PDE12: variants seen among roughly 807,000 people sequenced by gnomAD.
The protein encoded by PDE12 is 2',5'-phosphodiesterase 12.
PDE12 carries 26 observed loss-of-function variants against 45.4 expected under a neutral mutation model. That is an observed-to-expected ratio of 0.57 (90% CI 0.42 to 0.79). PDE12 has a LOEUF of 0.79. PDE12 is among the 30% of genes least tolerant of loss of function. The pLI, the probability that PDE12 is intolerant of heterozygous loss-of-function variation, is 0.00. For missense variants in PDE12, 668 were observed against 790.0 expected, an observed-to-expected ratio of 0.85 and a Z score of 1.85; for synonymous variants, 283 against 323.9, an observed-to-expected ratio of 0.87 and a Z score of 1.36.
the PDE12 span, among the ~76,000 whole-genome samples, chr3:57,588,340 G>A: frequency 7.2e-5 from 11 of 152,152 alleles, no homozygotes; most frequent in Admixed American, 1.3e-4. Flanking sequence ...TGAGGCAGGC[G>A]GATCGCTTGA....
the PDE12 span, among the ~76,000 whole-genome samples, chr3:57,617,935 A>C: frequency 5.3e-5 from 8 of 152,140 alleles, no homozygotes; most frequent in African/African-American, 1.7e-4. Context: ...ATATACACCA[A>C]GGAATACTAT....
chr3:57,618,607 G>GTTGTT, the PDE12 span, among the ~76,000 whole-genome samples: 4 of 79,406 alleles, frequency 5.0e-5, no homozygotes, highest in African/African-American at 1.3e-4. Flanking sequence ...TTGCTTTTGT[G>GTTGTT]TTTTTTTTTT....
At chr3:57,605,078 A>C in the PDE12 span, among the ~76,000 whole-genome samples, 38 of 152,216 alleles carry the variant, frequency 2.5e-4, no homozygotes, top group African/African-American at 8.7e-4. Flanking sequence ...GATACCAGGC[A>C]TCAAAGGACA....
At chr3:57,597,494 C>T in the PDE12 span, 1 of 195,026 alleles carries the variant, frequency 5.1e-6, no homozygotes, top group Non-Finnish European at 1.1e-5. Context: ...TGCGCCCGAG[C>T]CACTGCGCTT....
chr3:57,560,589 G>T lies in PDE12; in HGVS notation c.*585G>T. 3.3e-6 allele frequency: 3 copies of T among 911,970 alleles called. No individual in the cohort carries two copies. The African/African-American group carries it at 5.4e-5, about 16-fold the overall frequency. 56.5% of individuals were successfully genotyped at this position (911,970 alleles called of 1,614,324 possible). A position where few individuals can be genotyped will look rare whatever the true frequency, so the allele number is the denominator to read the frequency against. ...GATCCACCCACCTCGGCCTCCCAAA[G>T]TGTTGGGATTACAGGCGTGAGCCAC... On this transcript the variant is annotated 3_prime_UTR_variant, in exon 3 of 3. Coordinates refer to ENST00000311180, the MANE Select transcript of PDE12 (RefSeq NM_177966.7).
chr3:57,603,955 C>T, the PDE12 span, among the ~76,000 whole-genome samples: 560 of 145,448 alleles, frequency 3.9e-3, 2 homozygotes, highest in African/African-American at 0.013. Context: ...GATGGAGTCT[C>T]ACTCTGTTGC....
At chr3:57,572,981 T>C in the PDE12 span, among the ~76,000 whole-genome samples, 87 of 152,104 alleles carry the variant, frequency 5.7e-4, no homozygotes, top group African/African-American at 1.9e-3. Context: ...GGCGGATGGA[T>C]CATGAGGTCA....
At chr3:57,633,852 T>C in the PDE12 span, among the ~76,000 whole-genome samples, 1 of 151,714 alleles carries the variant, frequency 6.6e-6, no homozygotes, top group African/African-American at 2.4e-5. Flanking sequence ...GATTGTGCTA[T>C]TGCACTCCAG....
the PDE12 span, among the ~76,000 whole-genome samples, chr3:57,644,164 A>C: frequency 0.034 from 5,135 of 151,936 alleles, 121 homozygotes; most frequent in Non-Finnish European, 0.046. Context: ...AAAAAAAAAA[A>C]AAACTATCAG....
chr3:57,646,387 C>G, the PDE12 span: 1 of 1,614,118 alleles, frequency 6.2e-7, no homozygotes, highest in Non-Finnish European at 8.5e-7. Flanking sequence ...GCTCCCCCAA[C>G]AGCACCAGCT....
chr3:57,649,530 TAAA>T, the PDE12 span, among the ~76,000 whole-genome samples: 1 of 139,140 alleles, frequency 7.2e-6, no homozygotes. Flanking sequence ...AAGGAAGTCA[TAAA>T]AAAAAAAAAA....
the PDE12 span, among the ~76,000 whole-genome samples, chr3:57,639,297 C>G: frequency 6.6e-6 from 1 of 152,142 alleles, no homozygotes; most frequent in East Asian, 1.9e-4. Context: ...AATAGGAACC[C>G]TCATACATTG....
the PDE12 span, among the ~76,000 whole-genome samples, chr3:57,584,913 G>A: frequency 6.6e-6 from 1 of 152,126 alleles, no homozygotes; most frequent in African/African-American, 2.4e-5. Flanking sequence ...GTCCAGGCGG[G>A]AGTGAAGTGG....
the PDE12 span, among the ~76,000 whole-genome samples, chr3:57,638,144 TAAATA>T: frequency 6.6e-6 from 1 of 150,824 alleles, no homozygotes; most frequent in South Asian, 2.1e-4. Flanking sequence ...AAAAAATAAA[TAAATA>T]AAATAAACTT....
In PDE12 at chr3:57,556,351, G is replaced by A. The variant is rs1274203221; in HGVS notation, c.-29G>A. On this transcript the variant is annotated 5_prime_UTR_variant, in exon 1 of 3. Coordinates refer to ENST00000311180, the MANE Select transcript of PDE12 (RefSeq NM_177966.7). This position sits in a 1 kb window ranked among gnomAD's most constrained non-coding sequence, Gnocchi z 5.0. ...ACAGTAGGCCGCTGATCGGCCGCGG[G>A]TCTTGTCGACCGCTAGGCCACCAGG... 4 of 1,530,350 alleles carry A rather than the reference G, an allele frequency of 2.6e-6. No homozygotes were observed. Among genetic ancestry groups the A allele is most frequent in the African/African-American group, 2.8e-5 (2 of 72,626 alleles). The allele number at this position is 1,530,350 out of a possible 1,614,324, so 94.8% of individuals were successfully genotyped here.
chr3:57,633,715 C>T, the PDE12 span, among the ~76,000 whole-genome samples: 1 of 151,972 alleles, frequency 6.6e-6, no homozygotes, highest in Non-Finnish European at 1.5e-5. Flanking sequence ...ATGGTGAAAC[C>T]CCGTCTCTAC....
the PDE12 span, chr3:57,597,392 C>T: frequency 2.9e-6 from 1 of 346,420 alleles, no homozygotes; most frequent in Non-Finnish European, 5.4e-6. Flanking sequence ...TGTGCCACGT[C>T]ACGCGGCGGC....
the PDE12 span, chr3:57,628,807 A>C: frequency 1.2e-6 from 2 of 1,610,494 alleles, no homozygotes. Context: ...TTTTGGCTAC[A>C]TACCAGCTTA....
At chr3:57,631,860 T>C in the PDE12 span, among the ~76,000 whole-genome samples, 1 of 147,992 alleles carries the variant, frequency 6.8e-6, no homozygotes, top group Non-Finnish European at 1.5e-5. Context: ...GTAGCTGGGA[T>C]TACAGGCGCC....
Sources: allele counts gnomAD v4.1 joint callset (sites outside exome capture counted in the v4.1 genomes callset), GRCh38; gene constraint gnomAD v4.1.1; non-coding constraint Gnocchi (gnomAD v3.1); transcripts MANE v1.5; gene names NCBI Gene and HGNC (gene_info 2026-07-23, HGNC 2026-07-21).